Variants in FBXL7 observed in about 807,000 individuals in gnomAD.
FBXL7 encodes F-box/LRR-repeat protein 7.
A neutral mutation model predicts 38.3 loss-of-function variants in FBXL7; 12 were observed. The ratio of observed to expected loss-of-function variants is 0.31; its 90% CI spans 0.20 to 0.51. The LOEUF (loss-of-function observed/expected upper bound fraction) is 0.51. Among genes scored for constraint, FBXL7 ranks in the 20% least tolerant of loss-of-function variants. FBXL7 has a pLI of 0.98. For synonymous variants in FBXL7, 297 were observed against 300.9 expected (o/e 0.99, Z 0.13); for missense variants, 567 against 676.4 (o/e 0.84, Z 1.79).
At chr5:15,563,460 A>G (rs775165034) in intron 1 of FBXL7, among the ~76,000 whole-genome samples, 1 of 152,132 alleles carries the variant, frequency 6.6e-6, no homozygotes, top group Admixed American at 6.6e-5. Context: ...GCTGGCTGCA[A>G]CCACTGGGGC....
intron 2 of FBXL7, among the ~76,000 whole-genome samples, chr5:15,789,563 C>T (rs993148333): frequency 6.6e-6 from 1 of 152,186 alleles, no homozygotes; most frequent in African/African-American, 2.4e-5. Context: ...GCTGTTTGTG[C>T]TCTGATTCCA....
rs141034326 is a variant in FBXL7, at chr5:15,581,432, A to G, written c.38-34551A>G. Among the ~76,000 whole-genome samples the G allele has an allele frequency of 2.8e-4, 43 of 152,200 alleles. 1 individual carries two copies. Among genetic ancestry groups the G allele is most frequent in the Middle Eastern group, 3.4e-3 (1 of 294 alleles). On this transcript the variant is annotated intron_variant, in intron 1 of 3. Transcript: ENST00000504595. The stretch of plus-strand genomic sequence containing the variant: ...CTGCTTAGCCTGGTGCTGCCGCCAT[A>G]CAGTGCTACTAATGTTGGCTAGTGG...
intron 2 of FBXL7, among the ~76,000 whole-genome samples, chr5:15,625,130 G>A (rs1477412108): frequency 6.6e-6 from 1 of 152,072 alleles, no homozygotes; most frequent in East Asian, 1.9e-4. Flanking sequence ...TTCTGTTATA[G>A]CAACAGAAAA....
At chr5:15,710,185 C>T (rs1250253991) in intron 2 of FBXL7, among the ~76,000 whole-genome samples, 1 of 152,132 alleles carries the variant, frequency 6.6e-6, no homozygotes, top group African/African-American at 2.4e-5. Flanking sequence ...CCTGATGCCT[C>T]AGAGTAGAGG....
intron 2 of FBXL7, among the ~76,000 whole-genome samples, chr5:15,926,161 A>G (rs551598866): frequency 2.6e-5 from 4 of 152,132 alleles, no homozygotes; most frequent in Non-Finnish European, 4.4e-5. Flanking sequence ...GAGTATCTTC[A>G]TGTGTGTGGG....
chr5:15,660,845 C>G lies in FBXL7; in HGVS notation c.127+44773C>G, dbSNP rs540448879. On this transcript the variant is annotated intron_variant, in intron 2 of 3. Transcript: ENST00000504595. Reference sequence around the variant, plus strand: ...GATGTATGTTCACTTGATAGTACACCGAGGTCCTTCCAGTAATCTAACCAC... The same window carrying G: ...GATGTATGTTCACTTGATAGTACACGGAGGTCCTTCCAGTAATCTAACCAC... 4.6e-5 allele frequency among the ~76,000 whole-genome samples: 7 copies of G among 152,098 alleles called. No individual in the cohort carries two copies. The South Asian group carries it at 6.2e-4, about 14-fold the overall frequency.
chr5:15,580,691 G>T (rs529096161), intron 1 of FBXL7: 3 of 985,410 alleles, frequency 3.0e-6, no homozygotes, highest in South Asian at 9.4e-5. Flanking sequence ...GTCCGGGAGT[G>T]CTGAAGGTGC....
At chr5:15,930,607 C>G (rs1742014074) in intron 3 of FBXL7, among the ~76,000 whole-genome samples, 1 of 152,128 alleles carries the variant, frequency 6.6e-6, no homozygotes, top group Non-Finnish European at 1.5e-5. Flanking sequence ...CATTATTAAG[C>G]CTTGATATCT....
intron 1 of FBXL7, among the ~76,000 whole-genome samples, chr5:15,560,734 A>G (rs1738387934): frequency 6.6e-6 from 1 of 152,154 alleles, no homozygotes. Context: ...TCATATTACC[A>G]GTCTCTTTCA....
chr5:15,620,503 G>C (rs1226405832), intron 2 of FBXL7, among the ~76,000 whole-genome samples: 1 of 151,478 alleles, frequency 6.6e-6, no homozygotes, highest in Non-Finnish European at 1.5e-5. Context: ...ACCCGCCTCG[G>C]CCTCCTAAAG....
chr5:15,593,244 C>T (rs1167153192), intron 1 of FBXL7, among the ~76,000 whole-genome samples: 2 of 152,000 alleles, frequency 1.3e-5, no homozygotes, highest in Non-Finnish European at 2.9e-5. Flanking sequence ...CAGGCCTGGG[C>T]AGGGTGCAGT....
chr5:15,654,299 T>G lies in FBXL7; in HGVS notation c.127+38227T>G, dbSNP rs1318720677. 4.6e-5 allele frequency among the ~76,000 whole-genome samples: 7 copies of G among 152,166 alleles called. No individual in the cohort carries two copies. In the East Asian group the frequency reaches 1.4e-3, roughly 29 times the overall value. ...ATGTGCAAATGGTTGGGTCTTTAAT[T>G]AGGTTCATTTATATAATTGAGAAAG... On this transcript the variant is annotated intron_variant, in intron 2 of 3. Transcript: ENST00000504595.
At chr5:15,522,957 T>A (rs928945217) in intron 1 of FBXL7, among the ~76,000 whole-genome samples, 1 of 152,230 alleles carries the variant, frequency 6.6e-6, no homozygotes, top group Non-Finnish European at 1.5e-5. Flanking sequence ...TAATGTCCCA[T>A]ACGGTGGCAA....
intron 2 of FBXL7, among the ~76,000 whole-genome samples, chr5:15,881,922 A>G (rs1478951498): frequency 6.6e-6 from 1 of 152,204 alleles, no homozygotes; most frequent in Admixed American, 6.5e-5. Context: ...TAGGAAGCAT[A>G]ATGCTGGCAT....
Position 15,928,906 on chromosome 5 carries a change from C to T in FBXL7, c.739+405C>T, listed in dbSNP as rs772507691. 4.6e-5 allele frequency among the ~76,000 whole-genome samples: 7 copies of T among 152,088 alleles called. No homozygotes were observed. The highest frequency in any genetic ancestry group is 2.6e-4 in the Admixed American group (4 of 15,278). ...TTTTGCCTGGGAGTTGAGGTTAGTA[C>T]GACTTTTAAATGTCTTTACTCTTCA... On this transcript the variant is annotated intron_variant, in intron 3 of 3. Coordinates refer to ENST00000504595, the MANE Select transcript of FBXL7 (RefSeq NM_012304.5). This position sits in a 1 kb window ranked among gnomAD's most constrained non-coding sequence, Gnocchi z 4.0.
chr5:15,657,281 C>T (rs941288546), intron 2 of FBXL7, among the ~76,000 whole-genome samples: 1 of 151,988 alleles, frequency 6.6e-6, no homozygotes, highest in Non-Finnish European at 1.5e-5. Context: ...GAAAATGTTG[C>T]CCTACTTTAG....
intron 2 of FBXL7, among the ~76,000 whole-genome samples, chr5:15,740,783 T>G (rs767382448): frequency 4.6e-5 from 7 of 151,978 alleles, no homozygotes; most frequent in Admixed American, 2.6e-4. Flanking sequence ...AAAGAAAGGA[T>G]AGAAAAATGA....
intron 2 of FBXL7, among the ~76,000 whole-genome samples, chr5:15,821,679 C>G (rs1738172904): frequency 6.6e-6 from 1 of 152,162 alleles, no homozygotes. Context: ...AACCACTATC[C>G]ATGGCTTACA....
intron 1 of FBXL7, among the ~76,000 whole-genome samples, chr5:15,512,331 A>G (rs752306630): frequency 1.3e-5 from 2 of 151,978 alleles, no homozygotes; most frequent in African/African-American, 4.8e-5. Context: ...TATTTCTTTT[A>G]CTGTTTTCTA....
Sources: allele counts gnomAD v4.1 joint callset (sites outside exome capture counted in the v4.1 genomes callset), GRCh38; gene constraint gnomAD v4.1.1; non-coding constraint Gnocchi (gnomAD v3.1); transcripts MANE v1.5; gene names NCBI Gene and HGNC (gene_info 2026-07-23, HGNC 2026-07-21).